Variants in GNRHR observed in about 807,000 individuals in gnomAD.
GNRHR encodes the protein gonadotropin releasing hormone receptor, also known as gonadotropin-releasing hormone receptor.
GNRHR carries 14 observed loss-of-function variants against 28.1 expected under a neutral mutation model. The observed-to-expected ratio is 0.50, with a 90% CI of 0.33 to 0.78. The LOEUF (loss-of-function observed/expected upper bound fraction) is 0.78, where lower values mean the gene tolerates loss of function less well. GNRHR is among the 30% of genes least tolerant of loss of function. The pLI is 0.02. For missense variants in GNRHR, 366 were observed against 382.1 expected (o/e 0.96, Z 0.35); for synonymous variants, 141 against 140.5 (o/e 1.00, Z -0.02).
chr4:67,750,706 G>GT lies in GNRHR; in HGVS notation c.522+3107dup, dbSNP rs199722349. On this transcript the variant is annotated intron_variant, in intron 1 of 2. Coordinates refer to ENST00000226413, the MANE Select transcript of GNRHR (RefSeq NM_000406.3). The stretch of plus-strand genomic sequence containing the variant: ...AGTGGTGAAAACATGTTTGTTAAGT[G>GT]TTTTTTTTTCAACTGAGGTATGAAT... 2.4e-3 allele frequency among the ~76,000 whole-genome samples: 362 copies of GT among 150,096 alleles called. 3 individuals are homozygous for GT. The highest frequency in any genetic ancestry group is 5.8e-3 in the East Asian group (30 of 5,134).
At chr4:67,742,531 G>C (rs1731679092) in intron 2 of GNRHR, among the ~76,000 whole-genome samples, 1 of 152,176 alleles carries the variant, frequency 6.6e-6, no homozygotes, top group East Asian at 1.9e-4. Flanking sequence ...GGTTACACTT[G>C]TGAAGAAATT....
rs144900788 is a variant in GNRHR at position 67,753,900 on chromosome 4, G to A, written c.436C>T (p.Pro146Ser). The A allele has an allele frequency of 1.1e-3, 1,711 of 1,613,728 alleles. 4 individuals carry two copies. The highest frequency in any genetic ancestry group is 3.1e-3 in the Admixed American group (188 of 59,956). ...TTGCTGTTGCTTTTCAAAGCTAGGG[G>A]CCTCGTGATAGCCAGGGAGCGGTCC... ...SLDRSLAITR[P>S]LALKSNSKVG... Residue 146 changes from proline (P) to serine (S), a missense_variant, in exon 1 of 3, where the codon CCC (proline) becomes TCC (serine). By Grantham distance (74) the Pro-to-Ser change is moderately conservative. Transcript: ENST00000226413.
intron 1 of GNRHR, among the ~76,000 whole-genome samples, chr4:67,745,252 C>T (rs1731734010): frequency 6.6e-6 from 1 of 151,538 alleles, no homozygotes; most frequent in African/African-American, 2.4e-5. Context: ...CATGAAGAGA[C>T]AGTTGCTCAA....
chr4:67,745,360 T>G (rs1731736371), intron 1 of GNRHR, among the ~76,000 whole-genome samples: 1 of 151,760 alleles, frequency 6.6e-6, no homozygotes, highest in Non-Finnish European at 1.5e-5. Flanking sequence ...CTGGGGCAGT[T>G]TAAGCATTAA....
At chr4:67,749,670 C>T (rs772087913) in intron 1 of GNRHR, among the ~76,000 whole-genome samples, 3 of 151,436 alleles carry the variant, frequency 2.0e-5, no homozygotes, top group Non-Finnish European at 4.4e-5. Context: ...CCCTCCTTTC[C>T]CTCCCTCCCT....
In GNRHR at chr4:67,754,258, G is replaced by T. The variant is rs1263798219; in HGVS notation, c.78C>A (p.Gly26=). 6.2e-7 allele frequency: 1 copy of T among 1,612,996 alleles called. No homozygotes were observed. Among genetic ancestry groups the T allele is most frequent in the Non-Finnish European group, 8.5e-7 (1 of 1,179,122 alleles). The change falls in exon 1 of 3, where the codon GGC becomes GGA. Residue 26 remains glycine, a synonymous_variant. Coordinates refer to ENST00000226413, the MANE Select transcript of GNRHR (RefSeq NM_000406.3). ...AINNSIPLMQ[G]NLPTLTLSGK... ...CAGACAAGGTCAGAGTGGGGAGGTT[G>T]CCCTGCATCAGTGGGATGCTGTTGT... is the stretch of plus-strand genomic sequence containing the variant.
At position 67,739,709 on chromosome 4, in the gene GNRHR, C is replaced by T. The variant is rs1207664384; in HGVS notation, c.*771G>A. ...GTATTTTCTTAGTTGCATTTGGAAA[C>T]ATTGTTATTTTATGGCAATTAATTG... On this transcript the variant is annotated 3_prime_UTR_variant, in exon 3 of 3. Coordinates refer to ENST00000226413, the MANE Select transcript of GNRHR (RefSeq NM_000406.3). 6.6e-6 allele frequency: 1 copy of T among 151,968 alleles called. No individual in the cohort carries two copies. The highest frequency in any genetic ancestry group is 1.5e-5 in the Non-Finnish European group (1 of 67,934). 9.4% of individuals were successfully genotyped at this position (151,968 alleles called of 1,614,324 possible). A position where few individuals can be genotyped will look rare whatever the true frequency, so the allele number is the denominator to read the frequency against.
rs1233916976 is a variant in GNRHR, at chr4:67,744,926, A to G, written c.523-139T>C. Reference sequence around the variant, plus strand: ...TTAGTGTTATACTTCTGACGTTTCTATGAAAAGTCATGTGAATATTTACTT... The same window carrying G: ...TTAGTGTTATACTTCTGACGTTTCTGTGAAAAGTCATGTGAATATTTACTT... On this transcript the variant is annotated intron_variant, in intron 1 of 2. Coordinates refer to ENST00000226413, the MANE Select transcript of GNRHR (RefSeq NM_000406.3). 36 of 595,872 alleles carry G rather than the reference A, an allele frequency of 6.0e-5. No individual in the cohort carries two copies. In the East Asian group the frequency reaches 6.3e-4, roughly 10 times the overall value. 36.9% of individuals were successfully genotyped at this position (595,872 alleles called of 1,614,324 possible).
In GNRHR at chr4:67,738,736, AG is replaced by A. The variant is rs1377582701; in HGVS notation, c.*1743del. Reference sequence around the variant, plus strand: ...TGGAATGGGTTTATGTGCCAACTTGAGCATTTTAGCACACTACAGAATTTTA... The same window carrying A: ...TGGAATGGGTTTATGTGCCAACTTGACATTTTAGCACACTACAGAATTTTA... On this transcript the variant is annotated 3_prime_UTR_variant, in exon 3 of 3. Transcript: ENST00000226413. 6.6e-6 allele frequency among the ~76,000 whole-genome samples: 1 copy of A among 152,038 alleles called. No homozygotes were observed. The highest frequency in any genetic ancestry group is 6.6e-5 in the Admixed American group (1 of 15,248).
chr4:67,751,760 T>G (rs1409748905), intron 1 of GNRHR: 1 of 152,190 alleles, frequency 6.6e-6, no homozygotes, highest in African/African-American at 2.4e-5. Context: ...TTATTTCTAC[T>G]TTGGTTTGGA....
At chr4:67,751,226 A>G (rs2109986619) in intron 1 of GNRHR, among the ~76,000 whole-genome samples, 1 of 152,324 alleles carries the variant, frequency 6.6e-6, no homozygotes, top group African/African-American at 2.4e-5. Context: ...ACAAGGTTTC[A>G]GTGTAGTGTG....
chr4:67,746,925 C>A (rs185788357), intron 1 of GNRHR, among the ~76,000 whole-genome samples: 2 of 152,158 alleles, frequency 1.3e-5, no homozygotes, highest in Admixed American at 1.3e-4. Context: ...TCACTCCAGT[C>A]AAGAAACCCC....
In GNRHR at chr4:67,754,216, C is replaced by G. The variant is rs144227203; in HGVS notation, c.120G>C (p.Thr40=). ...AGAGCAGAAAAAGGAAGAAAGTAAC[C>G]GTCACTCGGATCTTTCCAGACAAGG... ...TLTLSGKIRV[T]VTFFLFLLSA... Residue 40 remains threonine (T), a synonymous_variant, in exon 1 of 3, where the codon ACG becomes ACC. Transcript: ENST00000226413. 6.2e-7 allele frequency: 1 copy of G among 1,613,892 alleles called. No homozygotes were observed. The highest frequency in any genetic ancestry group is 1.3e-5 in the African/African-American group (1 of 74,890).
At chr4:67,751,944 A>T (rs1731876968) in intron 1 of GNRHR, among the ~76,000 whole-genome samples, 1 of 151,936 alleles carries the variant, frequency 6.6e-6, no homozygotes, top group South Asian at 2.1e-4. Flanking sequence ...TCCCCTTCCC[A>T]CCGGATCATT....
At chr4:67,753,738 G>A (rs1731912310) in intron 1 of GNRHR, 76 bp downstream of exon 1, 3 of 1,245,746 alleles carry the variant, frequency 2.4e-6, no homozygotes, top group Non-Finnish European at 3.5e-6. Context: ...TACTTCCTTT[G>A]ATAAGACCTT....
At position 67,754,074 on chromosome 4, in the gene GNRHR, G is replaced by C; in HGVS notation, c.262C>G (p.Leu88Val). 6.2e-7 allele frequency: 1 copy of C among 1,614,160 alleles called. No individual in the cohort carries two copies. The highest frequency in any genetic ancestry group is 8.5e-7 in the Non-Finnish European group (1 of 1,180,024). Reference protein sequence around the residue: ...LLLKHLTLANLLETLIVMPLD... With the variant: ...LLLKHLTLANVLETLIVMPLD... Reference sequence around the variant, plus strand: ...GGCATGACAATCAGAGTCTCCAACAGGTTGGCTAAGGTCAGATGTTTTAAG... The same window carrying C: ...GGCATGACAATCAGAGTCTCCAACACGTTGGCTAAGGTCAGATGTTTTAAG... Residue 88 changes from leucine (L) to valine (V), a missense_variant, in exon 1 of 3, where the codon CTG becomes GTG. Leu to Val is a conservative substitution (Grantham distance 32). Transcript: ENST00000226413.
At position 67,753,976 on chromosome 4, in the gene GNRHR, T is replaced by C. The variant is rs1399075055; in HGVS notation, c.360A>G (p.Leu120=). 1.9e-6 allele frequency: 3 copies of C among 1,614,080 alleles called. No homozygotes were observed. Among genetic ancestry groups the C allele is most frequent in the Admixed American group, 3.3e-5 (2 of 60,008 alleles). The change falls in exon 1 of 3, where the codon CTA becomes CTG. Residue 120 remains leucine, a synonymous_variant. Coordinates refer to ENST00000226413, the MANE Select transcript of GNRHR (RefSeq NM_000406.3). Reference sequence around the variant, plus strand: ...CTGGGGCATACATGGAGAAAAGCTTTAGATAACTGAGAACTTTGCAGAGTA... The same window carrying C: ...CTGGGGCATACATGGAGAAAAGCTTCAGATAACTGAGAACTTTGCAGAGTA... ...GELLCKVLSY[L]KLFSMYAPAF... is the part of the protein sequence containing the mutation.
intron 1 of GNRHR, among the ~76,000 whole-genome samples, chr4:67,745,459 C>T (rs991633020): frequency 6.6e-6 from 1 of 151,812 alleles, no homozygotes; most frequent in Non-Finnish European, 1.5e-5. Context: ...ATAACAAAAA[C>T]AACAAATAAA....
intron 1 of GNRHR, among the ~76,000 whole-genome samples, chr4:67,750,675 GC>G (rs1311567029): frequency 2.6e-5 from 4 of 151,938 alleles, no homozygotes; most frequent in Non-Finnish European, 5.9e-5. Context: ...CAGATCCCCA[GC>G]CCTGAGTGGT....
Sources: gnomAD v4.1 joint callset for allele counts (sites outside exome capture counted in the v4.1 genomes callset) on GRCh38, gnomAD v4.1.1 for gene constraint, MANE v1.5 for transcripts, NCBI Gene and HGNC (gene_info 2026-07-23, HGNC 2026-07-21) for gene names.